EIF5A: variants seen among roughly 807,000 people sequenced by gnomAD.
The protein encoded by EIF5A is eukaryotic translation initiation factor 5A, also known as eukaryotic translation initiation factor 5A-1.
In EIF5A, 1 loss-of-function variant was observed where a neutral mutation model predicts 16.6. The observed-to-expected ratio is 0.06, with a 90% CI of 0.02 to 0.28. The LOEUF (loss-of-function observed/expected upper bound fraction) is 0.28. Ranked by LOEUF, EIF5A falls within the 10% of genes least tolerant of loss-of-function variation. EIF5A has a pLI of 1.00. For synonymous variants in EIF5A, 80 were observed against 73.6 expected (o/e 1.09, Z -0.44); for missense variants, 29 against 196.1 (o/e 0.15, Z 5.09).
At chr17:7,307,295 C>T, upstream of EIF5A, 1 of 1,191,764 alleles carries the variant, frequency 8.4e-7, no homozygotes, top group Non-Finnish European at 1.1e-6. Flanking sequence ...CCAGGCGTTT[C>T]CTTTAGAGGG....
rs1464657314 is a variant in EIF5A, at chr17:7,312,445, T to C, written c.*635T>C. On this transcript the variant is annotated 3_prime_UTR_variant, in exon 6 of 6. Transcript: ENST00000336458. ...AATCAAACCTGAATAAAACTACAAG[T>C]TTAATATGAAGCCCCCAACTCAGCT... The C allele has an allele frequency of 9.8e-6, 3 of 305,680 alleles. No individual in the cohort carries two copies. Among genetic ancestry groups the C allele is most frequent in the Non-Finnish European group, 1.9e-5 (3 of 154,542 alleles). The allele number at this position is 305,680 out of a possible 1,614,324, so 18.9% of individuals were successfully genotyped here.
intron 1 of EIF5A, among the ~76,000 whole-genome samples, chr17:7,308,937 G>T (rs2143008400): frequency 6.6e-6 from 1 of 152,380 alleles, no homozygotes; most frequent in East Asian, 1.9e-4. Context: ...GGAAAAGTGG[G>T]AGGGCCTTCC....
chr17:7,307,506 G>C, upstream of EIF5A: 1 of 1,023,974 alleles, frequency 9.8e-7, no homozygotes, highest in Non-Finnish European at 1.2e-6. Context: ...GGGAGGGAGG[G>C]TGGAGATGGG....
upstream of EIF5A, chr17:7,307,350 G>T: frequency 1.6e-6 from 2 of 1,236,160 alleles, no homozygotes; most frequent in Non-Finnish European, 2.1e-6. Context: ...AGGACTGCCC[G>T]GTAGGACGAG....
At chr17:7,308,234 C>T (rs1239730233) in intron 1 of EIF5A, 3 of 1,022,022 alleles carry the variant, frequency 2.9e-6, no homozygotes, top group African/African-American at 1.8e-5. Context: ...GGCCGCGGCA[C>T]CGGAAGTGCC....
chr17:7,309,131 G>GC (rs968540704), intron 1 of EIF5A, among the ~76,000 whole-genome samples: 2 of 150,436 alleles, frequency 1.3e-5, no homozygotes, highest in African/African-American at 5.0e-5. Flanking sequence ...TGTGTGGATG[G>GC]GGGGGGGCAG....
chr17:7,307,192 C>A, upstream of EIF5A: 1 of 1,462,534 alleles, frequency 6.8e-7, no homozygotes, highest in Non-Finnish European at 9.2e-7. Context: ...GACAAGTGAT[C>A]TAGCGGCGTG....
At chr17:7,308,716 C>G (rs1301938709) in intron 1 of EIF5A, 1 of 616,090 alleles carries the variant, frequency 1.6e-6, no homozygotes, top group East Asian at 7.1e-5. Context: ...GATAGGCGTT[C>G]TTCACCTTGT....
intron 3 of EIF5A, 48 bp from the exon 4 acceptor site, chr17:7,311,302 G>A (rs1004848368): frequency 6.2e-7 from 1 of 1,613,412 alleles, no homozygotes; most frequent in Admixed American, 1.7e-5. Context: ...TGTCATGTCA[G>A]CCTCCCTGGG....
Position 7,307,710 on chromosome 17 carries a change from C to A in EIF5A, c.-64C>A. The A allele has an allele frequency of 9.6e-7, 1 of 1,042,826 alleles. No homozygotes were observed. The highest frequency in any genetic ancestry group is 3.0e-5 in the South Asian group (1 of 33,170). The allele number at this position is 1,042,826 out of a possible 1,614,324, so 64.6% of individuals were successfully genotyped here. ...AGCGGGCTCGGAGGCAGCGGTTGGG[C>A]TCGCGGCGAGCGGACGGGGTCGAGT... On this transcript the variant is annotated 5_prime_UTR_variant, in exon 1 of 6. Coordinates refer to ENST00000336458, the MANE Select transcript of EIF5A (RefSeq NM_001970.5).
rs367890758 is a variant in EIF5A, at chr17:7,308,627, G to A, written c.-22+875G>A. 9.2e-4 allele frequency: 1,229 copies of A among 1,338,494 alleles called. 2 individuals are homozygous for A. The highest frequency in any genetic ancestry group is 1.2e-3 in the Non-Finnish European group (1,167 of 1,013,942). 82.9% of individuals were successfully genotyped at this position (1,338,494 alleles called of 1,614,324 possible). ...GGCCGGAGAAATGGGGAAACAGGGC[G>A]TTTGGACAGGAGCCCAACTTTTCTG... On this transcript the variant is annotated intron_variant, in intron 1 of 5. Transcript: ENST00000336458.
Position 7,307,728 on chromosome 17 carries a change from G to C in EIF5A, c.-46G>C, listed in dbSNP as rs2072667495. 9.7e-7 allele frequency: 1 copy of C among 1,033,270 alleles called. No individual in the cohort carries two copies. The highest frequency in any genetic ancestry group is 1.2e-6 in the Non-Finnish European group (1 of 861,614). 64.0% of individuals were successfully genotyped at this position (1,033,270 alleles called of 1,614,324 possible). ...GGTTGGGCTCGCGGCGAGCGGACGG[G>C]GTCGAGTCAGTGCGTTCGCGCGAGG... is the stretch of plus-strand genomic sequence containing the variant. On this transcript the variant is annotated 5_prime_UTR_variant, in exon 1 of 6. Transcript: ENST00000336458.
chr17:7,310,076 A>G (rs1481350650), intron 2 of EIF5A: 110 of 1,426,120 alleles, frequency 7.7e-5, no homozygotes, highest in Non-Finnish European at 9.6e-5. Context: ...ATAGGCCTTT[A>G]TGCTCTAGCT....
chr17:7,309,575 C>T (rs756357711), intron 1 of EIF5A, 40 bp from the exon 2 acceptor site: 1 of 1,611,914 alleles, frequency 6.2e-7, no homozygotes, highest in East Asian at 2.2e-5. Flanking sequence ...GTCCTGTTGA[C>T]CTCCATGCTT....
intron 1 of EIF5A, chr17:7,308,165 C>T (rs1302878148): frequency 1.0e-5 from 3 of 292,344 alleles, no homozygotes; most frequent in African/African-American, 6.3e-5. Context: ...GGTTGGCGGA[C>T]GGCCGGGGGG....
At chr17:7,309,130 G>T (rs956313045) in intron 1 of EIF5A, among the ~76,000 whole-genome samples, 1 of 127,696 alleles carries the variant, frequency 7.8e-6, no homozygotes, top group African/African-American at 3.3e-5. Context: ...GTGTGTGGAT[G>T]GGGGGGGGCA....
intron 2 of EIF5A, 179 bp from the exon 3 acceptor site, chr17:7,310,839 C>T: frequency 1.0e-6 from 1 of 985,376 alleles, no homozygotes; most frequent in Non-Finnish European, 1.2e-6. Context: ...TTTTTAGCCT[C>T]TGTTTTTTTT....
upstream of EIF5A, chr17:7,307,142 C>T (rs1298377157): frequency 5.7e-6 from 9 of 1,566,828 alleles, no homozygotes; most frequent in Non-Finnish European, 7.8e-6. Context: ...CAGTTAAAGC[C>T]GAGGTGGGGC....
At chr17:7,310,577 C>G in intron 2 of EIF5A, 2 of 1,068,830 alleles carry the variant, frequency 1.9e-6, no homozygotes, top group South Asian at 2.6e-5. Context: ...ATAGTTATTT[C>G]TGATCTCCCT....
Sources: allele counts gnomAD v4.1 joint callset (sites outside exome capture counted in the v4.1 genomes callset), GRCh38; gene constraint gnomAD v4.1.1; transcripts MANE v1.5; gene names NCBI Gene and HGNC (gene_info 2026-07-23, HGNC 2026-07-21).